Variants in NOX4 observed in about 807,000 individuals in gnomAD.
NOX4 encodes kidney oxidase-1.
A neutral mutation model predicts 87.6 loss-of-function variants in NOX4; 69 were observed. That is an observed-to-expected ratio of 0.79 (90% CI 0.65 to 0.96). The LOEUF is 0.96. Among genes scored for constraint, NOX4 ranks in the 40% least tolerant of loss-of-function variants. NOX4 has a pLI of 0.00. For synonymous variants in NOX4, 275 were observed against 238.2 expected (o/e 1.15, Z -1.42); for missense variants, 680 against 681.5 (o/e 1.00, Z 0.02).
At chr11:89,480,517 A>T (rs1295563764) in intron 2 of NOX4, among the ~76,000 whole-genome samples, 1 of 152,166 alleles carries the variant, frequency 6.6e-6, no homozygotes, top group Non-Finnish European at 1.5e-5. Context: ...CAGTAAGGTG[A>T]ATTATTTTAT....
chr11:89,460,513 T>C (rs561129619), intron 2 of NOX4, among the ~76,000 whole-genome samples: 10 of 152,268 alleles, frequency 6.6e-5, no homozygotes, highest in South Asian at 2.1e-4. Flanking sequence ...GAACAGACAC[T>C]TCTCAAAAGA....
At chr11:89,369,056 T>C (rs1042706532) in intron 12 of NOX4, among the ~76,000 whole-genome samples, 2 of 152,144 alleles carry the variant, frequency 1.3e-5, no homozygotes, top group African/African-American at 4.8e-5. Flanking sequence ...TTAGTCCTTG[T>C]ATGCTGCAAA....
At chr11:89,362,173 GACACACAC>G (rs148208109) in intron 12 of NOX4, among the ~76,000 whole-genome samples, 1 of 146,920 alleles carries the variant, frequency 6.8e-6, no homozygotes, top group African/African-American at 2.5e-5. Flanking sequence ...CACAGACACA[GACACACAC>G]ACACACACAC....
the NOX4 span, among the ~76,000 whole-genome samples, chr11:89,513,855 A>G: frequency 6.6e-6 from 1 of 151,896 alleles, no homozygotes; most frequent in Non-Finnish European, 1.5e-5. Context: ...CTACTACTCA[A>G]TTTTTTCCTG....
At chr11:89,564,263 C>A in the NOX4 span, among the ~76,000 whole-genome samples, 1 of 152,070 alleles carries the variant, frequency 6.6e-6, no homozygotes, top group Non-Finnish European at 1.5e-5. Context: ...GCAGGCTATA[C>A]AAGGAGCGTG....
chr11:89,543,099 G>A, the NOX4 span, among the ~76,000 whole-genome samples: 5 of 152,226 alleles, frequency 3.3e-5, no homozygotes, highest in East Asian at 7.7e-4. Flanking sequence ...TAGGATGAAA[G>A]CAATGTACAT....
At position 89,455,081 on chromosome 11, in the gene NOX4, T is replaced by C. The variant is rs565008014; in HGVS notation, c.154-3186A>G. ...TCCTATAGGCCATATACATTATGCT[T>C]AGTTGCCAGTAAAGTATGTTAGTTA... On this transcript the variant is annotated intron_variant, in intron 2 of 17. Coordinates refer to ENST00000263317, the MANE Select transcript of NOX4 (RefSeq NM_016931.5). Among the ~76,000 whole-genome samples, 219 of 152,250 alleles carry C rather than the reference T, an allele frequency of 1.4e-3. 1 individual carries two copies. Among genetic ancestry groups the C allele is most frequent in the Admixed American group, 3.9e-3 (59 of 15,280 alleles).
chr11:89,462,550 C>T (rs1000027210), intron 2 of NOX4, among the ~76,000 whole-genome samples: 7 of 152,096 alleles, frequency 4.6e-5, no homozygotes, highest in Admixed American at 1.3e-4. Flanking sequence ...CCATAAACAA[C>T]TATATAAGTA....
At chr11:89,338,397 A>G (rs997901883) in intron 15 of NOX4, among the ~76,000 whole-genome samples, 1 of 152,086 alleles carries the variant, frequency 6.6e-6, no homozygotes, top group African/African-American at 2.4e-5. Flanking sequence ...CTATTGATGA[A>G]TATTTGGGTT....
At chr11:89,442,960 G>T (rs1184017557) in intron 5 of NOX4, among the ~76,000 whole-genome samples, 1 of 152,090 alleles carries the variant, frequency 6.6e-6, no homozygotes, top group East Asian at 1.9e-4. Context: ...AGGAGAAAGG[G>T]AAGCAGGTGG....
intron 2 of NOX4, among the ~76,000 whole-genome samples, chr11:89,457,212 T>C (rs1226397345): frequency 6.6e-6 from 1 of 152,178 alleles, no homozygotes; most frequent in Non-Finnish European, 1.5e-5. Flanking sequence ...TGTGAATGCA[T>C]CCCACTGTGT....
intron 17 of NOX4, among the ~76,000 whole-genome samples, chr11:89,330,690 A>G (rs1945433351): frequency 6.6e-6 from 1 of 151,896 alleles, no homozygotes; most frequent in Admixed American, 6.6e-5. Flanking sequence ...ATTATAAAAA[A>G]AAATTCAACC....
At chr11:89,467,092 T>C (rs1301580296) in intron 2 of NOX4, among the ~76,000 whole-genome samples, 2 of 152,178 alleles carry the variant, frequency 1.3e-5, no homozygotes, top group East Asian at 1.9e-4. Context: ...CTCACACCTG[T>C]AATCCCAGCA....
At chr11:89,568,506 A>G in the NOX4 span, among the ~76,000 whole-genome samples, 8 of 152,358 alleles carry the variant, frequency 5.3e-5, no homozygotes, top group South Asian at 1.4e-3. Context: ...AATAAGAATT[A>G]TGAAACACTA....
intron 8 of NOX4, among the ~76,000 whole-genome samples, chr11:89,418,850 A>G (rs1318490408): frequency 2.6e-5 from 4 of 151,968 alleles, no homozygotes; most frequent in Admixed American, 2.6e-4. Flanking sequence ...AAAATTTAAG[A>G]TTCTATGAAA....
chr11:89,569,464 C>T, the NOX4 span, among the ~76,000 whole-genome samples: 1 of 152,110 alleles, frequency 6.6e-6, no homozygotes, highest in South Asian at 2.1e-4. Context: ...AAATGCTCAA[C>T]ATCACTAATC....
At chr11:89,553,947 T>A in the NOX4 span, among the ~76,000 whole-genome samples, 1 of 150,988 alleles carries the variant, frequency 6.6e-6, no homozygotes, top group African/African-American at 2.4e-5. Context: ...CAAGTTAGAC[T>A]CCTATCCGCT....
chr11:89,520,279 C>T, the NOX4 span, among the ~76,000 whole-genome samples: 114 of 152,104 alleles, frequency 7.5e-4, no homozygotes, highest in African/African-American at 1.9e-3. Flanking sequence ...GTCATTTTTA[C>T]GGAATTTATA....
At chr11:89,357,119 C>G (rs780860288) in intron 12 of NOX4, among the ~76,000 whole-genome samples, 2 of 152,152 alleles carry the variant, frequency 1.3e-5, no homozygotes, top group Non-Finnish European at 2.9e-5. Flanking sequence ...ATACGGCAGT[C>G]ACAAAGTGGC....
Sources: gnomAD v4.1 joint callset for allele counts (sites outside exome capture counted in the v4.1 genomes callset) on GRCh38, gnomAD v4.1.1 for gene constraint, MANE v1.5 for transcripts, NCBI Gene and HGNC (gene_info 2026-07-23, HGNC 2026-07-21) for gene names.